MED14: variants seen among roughly 807,000 people sequenced by gnomAD.
MED14 encodes mediator complex subunit 14.
A neutral mutation model predicts 109.0 loss-of-function variants in MED14; 8 were observed. The ratio of observed to expected loss-of-function variants is 0.07; its 90% CI spans 0.04 to 0.13. MED14 has a LOEUF of 0.13. Among genes scored for constraint, MED14 ranks in the 10% least tolerant of loss-of-function variants. The probability of loss-of-function intolerance (pLI) is 1.00; values close to 1 mark genes in which losing one functional copy is unlikely to be tolerated. For missense variants in MED14, 711 were observed against 1,142.4 expected, an observed-to-expected ratio of 0.62 and a Z score of 5.44; for synonymous variants, 399 against 408.7, an observed-to-expected ratio of 0.98 and a Z score of 0.29.
At chrX:40,714,460 G>A (rs1931447148) in intron 4 of MED14, 77 bp downstream of exon 4, 1 of 1,022,507 alleles carries the variant, frequency 9.8e-7, no homozygotes, top group African/African-American at 1.9e-5. Context: ...TTTTTTGCTG[G>A]GCTACTTAAT....
rs958521704 is a variant in MED14 at position 40,714,676 on chromosome X, A to G, written c.383T>C (p.Leu128Pro). ...ISSFLDQQAI[L>P]FVDTADRLAS... ...CAGGCGATCAGCAGTGTCCACAAAC[A>G]GGATGGCTTGCTGATCTAAAAAGCT... The change falls in exon 4 of 31, where the codon CTG becomes CCG. Residue 128 changes from leucine to proline, a missense_variant. This residue lies in a region of MED14 where 31 missense variants were observed against 79.3 expected (regional missense o/e 0.39). Coordinates refer to ENST00000324817, the MANE Select transcript of MED14 (RefSeq NM_004229.4). 8.3e-7 allele frequency: 1 copy of G among 1,209,868 alleles called. No homozygotes were observed. Among genetic ancestry groups the G allele is most frequent in the Non-Finnish European group, 1.1e-6 (1 of 895,097 alleles).
intron 16 of MED14, 70 bp from the exon 17 acceptor site, chrX:40,683,066 A>C (rs1295483067): frequency 2.2e-6 from 2 of 924,977 alleles, no homozygotes; most frequent in East Asian, 3.1e-5. Context: ...ATGACAGACA[A>C]GGTATGACAT....
chrX:40,704,338 T>A (rs956925649), intron 10 of MED14, among the ~76,000 whole-genome samples: 1 of 111,969 alleles, frequency 8.9e-6, no homozygotes, highest in Non-Finnish European at 1.9e-5. Flanking sequence ...AGGAATATGC[T>A]CTTCTTGTTA....
chrX:40,671,261 T>A (rs1929719636), intron 23 of MED14, among the ~76,000 whole-genome samples: 1 of 111,376 alleles, frequency 9.0e-6, no homozygotes, highest in Non-Finnish European at 1.9e-5. Context: ...ACAGAGTAAG[T>A]GCTCAAGAGA....
chrX:40,674,064 A>G (rs1929828989), intron 22 of MED14, among the ~76,000 whole-genome samples: 1 of 111,161 alleles, frequency 9.0e-6, no homozygotes, highest in Non-Finnish European at 1.9e-5. Context: ...AAAATGCAAG[A>G]AAGTGGCTTC....
chrX:40,697,555 AG>A (rs1930765231), intron 12 of MED14, among the ~76,000 whole-genome samples: 1 of 111,999 alleles, frequency 8.9e-6, no homozygotes, highest in African/African-American at 3.2e-5. Flanking sequence ...GTATGTGTGA[AG>A]TGTGTAGTAT....
rs113796801 is a variant in MED14 at position 40,674,610 on chromosome X, C to A, written c.3021+611G>T. The stretch of plus-strand genomic sequence containing the variant: ...AAGACTCCGGCCCAGAGTCTACAGC[C>A]CCATTGAGGATTTTCCAGACTAGGG... On this transcript the variant is annotated intron_variant, in intron 22 of 30. Coordinates refer to ENST00000324817, the MANE Select transcript of MED14 (RefSeq NM_004229.4). 8.5e-3 allele frequency among the ~76,000 whole-genome samples: 947 copies of A among 111,853 alleles called. 11 individuals are homozygous for A. Among genetic ancestry groups the A allele is most frequent in the African/African-American group, 0.029 (902 of 30,763 alleles).
At chrX:40,665,982 C>G (rs909417308) in intron 24 of MED14, among the ~76,000 whole-genome samples, 1 of 112,016 alleles carries the variant, frequency 8.9e-6, no homozygotes, top group Non-Finnish European at 1.9e-5. Context: ...TTTTTAATGA[C>G]GGAAATGTTC....
chrX:40,715,351 G>T (rs1452454387), intron 3 of MED14, among the ~76,000 whole-genome samples: 1 of 111,417 alleles, frequency 9.0e-6, no homozygotes, highest in Admixed American at 9.5e-5. Context: ...GGGAAAACTC[G>T]ATAACCATCA....
chrX:40,667,326 CAG>C (rs1245494850), intron 23 of MED14, among the ~76,000 whole-genome samples: 1 of 111,851 alleles, frequency 8.9e-6, no homozygotes, highest in African/African-American at 3.3e-5. Context: ...TCCTTATATA[CAG>C]CAATCAGAAA....
At chrX:40,695,785 A>G (rs1043921979) in intron 13 of MED14, among the ~76,000 whole-genome samples, 2 of 111,928 alleles carry the variant, frequency 1.8e-5, no homozygotes, top group African/African-American at 3.2e-5. Context: ...AATTCAGATC[A>G]ATGACAGACT....
upstream of MED14, chrX:40,735,556 G>A: frequency 1.7e-6 from 1 of 599,877 alleles, no homozygotes; most frequent in South Asian, 2.4e-5. Context: ...GCCGTGCGCC[G>A]ACCGCGGAAG....
In MED14 at chrX:40,729,312, T is replaced by C; in HGVS notation, c.242+7A>G. The C allele has an allele frequency of 8.4e-7, 1 of 1,189,611 alleles. No individual in the cohort carries two copies. Among genetic ancestry groups the C allele is most frequent in the Non-Finnish European group, 1.1e-6 (1 of 887,242 alleles). On this transcript the variant is annotated splice_region_variant and intron_variant, in intron 2 of 30. Transcript: ENST00000324817. The stretch of plus-strand genomic sequence containing the variant: ...AGACTTTAAGGGTTTTTTTTTTCCA[T>C]ACTCACCTTTCCACATCAGATTTCC...
At chrX:40,709,021 T>C (rs1931243813) in intron 10 of MED14, among the ~76,000 whole-genome samples, 1 of 111,451 alleles carries the variant, frequency 9.0e-6, no homozygotes, top group African/African-American at 3.3e-5. Context: ...TTGCCCTGGC[T>C]TGTCTAAAGC....
chrX:40,698,187 C>G (rs1305147377), intron 12 of MED14, among the ~76,000 whole-genome samples: 1 of 112,023 alleles, frequency 8.9e-6, no homozygotes, highest in East Asian at 2.8e-4. Flanking sequence ...ATCAACATAC[C>G]TTTGTGAGAA....
chrX:40,668,325 G>C (rs1386901683), intron 23 of MED14, among the ~76,000 whole-genome samples: 1 of 93,253 alleles, frequency 1.1e-5, no homozygotes, highest in Non-Finnish European at 2.0e-5. Flanking sequence ...GGAGGTTGCA[G>C]CAAGCTGAGA....
At position 40,735,397 on chromosome X, in the gene MED14, G is replaced by A; in HGVS notation, c.16C>T (p.Leu6=). The A allele has an allele frequency of 9.2e-7, 1 of 1,085,744 alleles. No individual in the cohort carries two copies. The highest frequency in any genetic ancestry group is 3.8e-5 in the Admixed American group (1 of 26,288). 89.5% of individuals were successfully genotyped at this position (1,085,744 alleles called of 1,213,427 possible). ...GGCGGGACCAGCTGGTGGTTCTCCA[G>A]CTGCACTGGGGCCATGGCGGCGCAG... MAPVQ[L]ENHQLVPPGG... is the part of the protein sequence containing the mutation. Residue 6 remains leucine (L), a synonymous_variant, in exon 1 of 31, where the codon CTG becomes TTG. Coordinates refer to ENST00000324817, the MANE Select transcript of MED14 (RefSeq NM_004229.4).
intron 26 of MED14, among the ~76,000 whole-genome samples, chrX:40,660,225 G>A (rs1929212434): frequency 8.9e-6 from 1 of 111,740 alleles, no homozygotes; most frequent in Non-Finnish European, 1.9e-5. Flanking sequence ...AAATCTGGGG[G>A]GAGGAGTTCT....
intron 29 of MED14, 129 bp downstream of exon 29, chrX:40,654,806 C>A: frequency 1.1e-6 from 1 of 890,403 alleles, no homozygotes; most frequent in Non-Finnish European, 1.6e-6. Context: ...TCTACGCTGA[C>A]AATTAAGGAA....
Sources: allele counts gnomAD v4.1 joint callset (sites outside exome capture counted in the v4.1 genomes callset), GRCh38; gene constraint gnomAD v4.1.1; regional missense constraint gnomAD v4.1.1; transcripts MANE v1.5; gene names NCBI Gene and HGNC (gene_info 2026-07-23, HGNC 2026-07-21).